LIPC: variants seen among roughly 807,000 people sequenced by gnomAD.
LIPC encodes hepatic triacylglycerol lipase.
A neutral mutation model predicts 50.7 loss-of-function variants in LIPC; 44 were observed. The ratio of observed to expected loss-of-function variants is 0.87; its 90% CI spans 0.68 to 1.11. LIPC has a LOEUF of 1.11. Ranked by LOEUF, LIPC falls within the 50% of genes most tolerant of loss-of-function variation. The pLI is 0.00. For missense variants in LIPC, 697 were observed against 648.2 expected, an observed-to-expected ratio of 1.08 and a Z score of -0.82; for synonymous variants, 271 against 256.4, an observed-to-expected ratio of 1.06 and a Z score of -0.54.
intron 1 of LIPC, among the ~76,000 whole-genome samples, chr15:58,535,158 G>A (rs191107712): frequency 3.9e-5 from 6 of 152,186 alleles, no homozygotes; most frequent in Middle Eastern, 3.4e-3. Flanking sequence ...AAGCCCCTAC[G>A]CAGGGCATTC....
At chr15:58,441,330 T>C (rs1188625051) in intron 1 of LIPC, among the ~76,000 whole-genome samples, 1 of 152,228 alleles carries the variant, frequency 6.6e-6, no homozygotes, top group Non-Finnish European at 1.5e-5. Context: ...ATATGAATCT[T>C]CCATCTTAAA....
At chr15:58,463,543 C>T (rs1298842887) in intron 1 of LIPC, among the ~76,000 whole-genome samples, 6 of 152,236 alleles carry the variant, frequency 3.9e-5, no homozygotes, top group Admixed American at 1.3e-4. Context: ...TTGCCCCAAA[C>T]TCGTCTATCC....
chr15:58,565,668 T>C (rs1329050472), intron 8 of LIPC: 2 of 1,016,586 alleles, frequency 2.0e-6, no homozygotes, highest in Non-Finnish European at 2.4e-6. Context: ...TTATTACCCA[T>C]TTGTTGGGGG....
chr15:58,561,102 CA>C, intron 7 of LIPC, 121 bp downstream of exon 7: 1 of 739,396 alleles, frequency 1.4e-6, no homozygotes. Flanking sequence ...AGACGCAAAC[CA>C]AAAACTATCT....
Position 58,560,863 on chromosome 15 carries a change from G to C in LIPC, c.1052-1G>C, listed in dbSNP as rs1277669986. The C allele has an allele frequency of 9.8e-7, 1 of 1,019,036 alleles. No homozygotes were observed. Among genetic ancestry groups the C allele is most frequent in the East Asian group, 2.4e-5 (1 of 42,358 alleles). The allele number at this position is 1,019,036 out of a possible 1,614,324, so 63.1% of individuals were successfully genotyped here. ...CTTTCTCTCTCTGTCTCTCTCTCTA[G>C]TTTATCATTACCAGTTCAAGATCCA... is the stretch of plus-strand genomic sequence containing the variant. On this transcript the variant is annotated splice_acceptor_variant, in intron 6 of 8. Coordinates refer to ENST00000299022, the MANE Select transcript of LIPC (RefSeq NM_000236.3). LOFTEE classifies it high-confidence loss of function.
intron 1 of LIPC, chr15:58,494,875 C>G: frequency 2.2e-6 from 1 of 456,094 alleles, no homozygotes; most frequent in South Asian, 1.5e-5. Context: ...CTTAGCAACC[C>G]TGGTTTTTCT....
intron 1 of LIPC, among the ~76,000 whole-genome samples, chr15:58,482,557 G>A (rs1284066009): frequency 6.6e-6 from 1 of 152,154 alleles, no homozygotes; most frequent in Non-Finnish European, 1.5e-5. Context: ...GTAAGAAACA[G>A]TCCATGAAAA....
At chr15:58,454,516 G>A (rs1368827170) in intron 1 of LIPC, 1 of 152,282 alleles carries the variant, frequency 6.6e-6, no homozygotes, top group Non-Finnish European at 1.5e-5. Context: ...GTCAAATGGG[G>A]TCAGGAAGCC....
chr15:58,434,666 T>C (rs900035360), intron 1 of LIPC, among the ~76,000 whole-genome samples: 7 of 152,238 alleles, frequency 4.6e-5, no homozygotes, highest in Admixed American at 1.3e-4. Context: ...TAAGGGGGAC[T>C]GGATAGCGTG....
chr15:58,472,486 G>A (rs868818802), intron 1 of LIPC, among the ~76,000 whole-genome samples: 8 of 148,226 alleles, frequency 5.4e-5, no homozygotes, highest in South Asian at 4.2e-4. Context: ...TGAGGCATGC[G>A]AATCACTTGA....
At chr15:58,549,284 G>A (rs1468314885) in intron 6 of LIPC, among the ~76,000 whole-genome samples, 1 of 152,222 alleles carries the variant, frequency 6.6e-6, no homozygotes. Flanking sequence ...CCCTAAAACA[G>A]CTCGGGAGTG....
At chr15:58,498,303 G>A (rs1329476183) in intron 1 of LIPC, among the ~76,000 whole-genome samples, 1 of 152,126 alleles carries the variant, frequency 6.6e-6, no homozygotes, top group Non-Finnish European at 1.5e-5. Context: ...TAGGTCTAGA[G>A]CGGGACTTAC....
chr15:58,499,695 C>CA (rs1166626479), intron 1 of LIPC, among the ~76,000 whole-genome samples: 1 of 152,190 alleles, frequency 6.6e-6, no homozygotes, highest in African/African-American at 2.4e-5. Flanking sequence ...ATCCAGGCCC[C>CA]AGCTCTGCCT....
chr15:58,503,189 T>C (rs1474656001), intron 1 of LIPC, among the ~76,000 whole-genome samples: 1 of 152,132 alleles, frequency 6.6e-6, no homozygotes, highest in Non-Finnish European at 1.5e-5. Flanking sequence ...GAAACTGAGG[T>C]GCAGAAAAGT....
intron 1 of LIPC, among the ~76,000 whole-genome samples, chr15:58,520,373 G>C (rs1413025687): frequency 6.6e-6 from 1 of 152,116 alleles, no homozygotes; most frequent in African/African-American, 2.4e-5. Flanking sequence ...TGGGATGCTA[G>C]AGCACAACGT....
At chr15:58,467,297 A>AG (rs1301050212) in intron 1 of LIPC, among the ~76,000 whole-genome samples, 2 of 152,120 alleles carry the variant, frequency 1.3e-5, no homozygotes, top group African/African-American at 2.4e-5. Flanking sequence ...CATGTCTCTC[A>AG]GGGGCTTCCT....
intron 1 of LIPC, among the ~76,000 whole-genome samples, chr15:58,448,224 G>A (rs1438460101): frequency 6.6e-6 from 1 of 152,200 alleles, no homozygotes; most frequent in Non-Finnish European, 1.5e-5. Context: ...GTGGACTAGG[G>A]TTGGGAGCTC....
At chr15:58,524,982 G>A (rs1177148079) in intron 1 of LIPC, among the ~76,000 whole-genome samples, 2 of 151,882 alleles carry the variant, frequency 1.3e-5, no homozygotes, top group Non-Finnish European at 2.9e-5. Context: ...AATCACAGAG[G>A]GAGATTCTTA....
intron 1 of LIPC, among the ~76,000 whole-genome samples, chr15:58,440,153 A>G (rs528190476): frequency 5.2e-4 from 79 of 152,372 alleles, no homozygotes; most frequent in African/African-American, 1.9e-3. Context: ...AGTCCTTGAA[A>G]TGAACAAAAA....
Sources: allele counts gnomAD v4.1 joint callset (sites outside exome capture counted in the v4.1 genomes callset), GRCh38; gene constraint gnomAD v4.1.1; transcripts MANE v1.5; gene names NCBI Gene and HGNC (gene_info 2026-07-23, HGNC 2026-07-21).